Variants in EYA1 observed in about 807,000 individuals in gnomAD.
EYA1 encodes the protein protein phosphatase EYA1.
Under a neutral mutation model 82.0 loss-of-function variants are expected in EYA1, and 16 were observed. The observed-to-expected ratio is 0.20, with a 90% CI of 0.13 to 0.30. The LOEUF is 0.30. Ranked by LOEUF, EYA1 falls within the 10% of genes least tolerant of loss-of-function variation. The pLI, the probability that EYA1 is intolerant of heterozygous loss-of-function variation, is 1.00. For missense variants in EYA1, 633 were observed against 730.7 expected (o/e 0.87, Z 1.54); for synonymous variants, 261 against 264.4 (o/e 0.99, Z 0.12).
exon 1 of EYA1, chr8:71,547,929 G>T (rs544767395): frequency 6.6e-6 from 1 of 152,252 alleles, no homozygotes; most frequent in South Asian, 2.1e-4. Flanking sequence ...CCGAAAATGG[G>T]TAACAGAGAG....
intron 7 of EYA1, among the ~76,000 whole-genome samples, chr8:71,308,125 G>T (rs1322863726): frequency 2.6e-5 from 4 of 152,130 alleles, no homozygotes; most frequent in Non-Finnish European, 5.9e-5. Flanking sequence ...CCAGGTTATG[G>T]TTTTCTAATC....
chr8:71,306,597 A>G (rs1180759865), intron 7 of EYA1, among the ~76,000 whole-genome samples: 3 of 152,072 alleles, frequency 2.0e-5, no homozygotes, highest in Non-Finnish European at 4.4e-5. Context: ...ACAGCTCACC[A>G]TGGTACTTTA....
At chr8:71,244,533 C>T (rs1304151324) in intron 12 of EYA1, 70 bp downstream of exon 12, 13 of 804,464 alleles carry the variant, frequency 1.6e-5, no homozygotes, top group Non-Finnish European at 2.7e-5. Flanking sequence ...AAATAATATC[C>T]TATCTTTATT....
At chr8:71,254,813 G>A (rs893327296) in intron 11 of EYA1, among the ~76,000 whole-genome samples, 1 of 152,092 alleles carries the variant, frequency 6.6e-6, no homozygotes, top group Non-Finnish European at 1.5e-5. Context: ...AATTTTGTGT[G>A]TAGAAAGCCC....
chr8:71,503,608 C>T (rs557947932), intron 2 of EYA1, among the ~76,000 whole-genome samples: 129 of 152,202 alleles, frequency 8.5e-4, no homozygotes, highest in African/African-American at 2.9e-3. Flanking sequence ...TTTATGACAT[C>T]GCCAAAATAA....
At chr8:71,301,723 A>C (rs561787041) in intron 7 of EYA1, among the ~76,000 whole-genome samples, 1 of 152,308 alleles carries the variant, frequency 6.6e-6, no homozygotes, top group South Asian at 2.1e-4. Flanking sequence ...GAGCTCTCAC[A>C]GTGCTAGTAG....
intron 3 of EYA1, among the ~76,000 whole-genome samples, chr8:71,340,345 A>C (rs1485980692): frequency 6.6e-6 from 1 of 152,222 alleles, no homozygotes; most frequent in Non-Finnish European, 1.5e-5. Context: ...TACTGAAAAA[A>C]TACACAATCT....
chr8:71,321,246 T>C (rs962380475), intron 6 of EYA1, among the ~76,000 whole-genome samples: 18 of 152,298 alleles, frequency 1.2e-4, no homozygotes, highest in Middle Eastern at 6.8e-3. Flanking sequence ...CAGTGATATA[T>C]AGATCACTTT....
chr8:71,276,210 T>C, intron 9 of EYA1, among the ~76,000 whole-genome samples: 1 of 152,240 alleles, frequency 6.6e-6, no homozygotes, highest in East Asian at 1.9e-4. Context: ...CTTTGTTATC[T>C]TGCACTAATA....
intron 2 of EYA1, among the ~76,000 whole-genome samples, chr8:71,528,469 C>G (rs760292547): frequency 6.6e-6 from 1 of 152,154 alleles, no homozygotes; most frequent in African/African-American, 2.4e-5. Context: ...TGAACTTTGA[C>G]GTCCAGTCTT....
chr8:71,247,453 A>T (rs1395608949), intron 11 of EYA1, among the ~76,000 whole-genome samples: 13 of 152,194 alleles, frequency 8.5e-5, no homozygotes, highest in Non-Finnish European at 7.3e-5. Context: ...GGAAATAAAG[A>T]TGCAGAGGCT....
At chr8:71,428,534 G>A (rs1805400608) in intron 2 of EYA1, among the ~76,000 whole-genome samples, 2 of 152,004 alleles carry the variant, frequency 1.3e-5, no homozygotes, top group South Asian at 4.1e-4. Context: ...AAAAACTAGG[G>A]GAAATACTCT....
At chr8:71,295,456 C>T (rs532369152) in intron 9 of EYA1, among the ~76,000 whole-genome samples, 1 of 152,054 alleles carries the variant, frequency 6.6e-6, no homozygotes, top group Non-Finnish European at 1.5e-5. Context: ...ATACAGATGG[C>T]AAATAAGCAT....
chr8:71,312,079 C>T (rs1429016727), intron 7 of EYA1, among the ~76,000 whole-genome samples: 1 of 152,170 alleles, frequency 6.6e-6, no homozygotes, highest in Non-Finnish European at 1.5e-5. Context: ...TCTTAAAAGG[C>T]TGTGCAAGTG....
At chr8:71,502,086 A>G (rs1177519231) in intron 2 of EYA1, among the ~76,000 whole-genome samples, 1 of 152,208 alleles carries the variant, frequency 6.6e-6, no homozygotes, top group Non-Finnish European at 1.5e-5. Context: ...CTAAATCTGA[A>G]CCTAGGAAAA....
intron 7 of EYA1, among the ~76,000 whole-genome samples, chr8:71,309,362 C>CA (rs3086592): frequency 0.01 from 1,520 of 146,534 alleles, 23 homozygotes; most frequent in African/African-American, 0.034. Context: ...TCAATTTAAG[C>CA]AAAAAAAAAA....
At chr8:71,530,357 C>G (rs962196852) in intron 2 of EYA1, among the ~76,000 whole-genome samples, 2 of 152,192 alleles carry the variant, frequency 1.3e-5, no homozygotes, top group Non-Finnish European at 2.9e-5. Context: ...ATTTGGACTT[C>G]TAGCCTCTAG....
Position 71,450,684 on chromosome 8 carries a change from C to A in EYA1, c.33+85060G>T, listed in dbSNP as rs113427851. Among the ~76,000 whole-genome samples the A allele has an allele frequency of 4.2e-3, 641 of 152,232 alleles. 4 individuals carry two copies. The highest frequency in any genetic ancestry group is 0.015 in the African/African-American group (611 of 41,556). On this transcript the variant is annotated intron_variant, in intron 2 of 18. Transcript: ENST00000643681. The stretch of plus-strand genomic sequence containing the variant: ...AGCTTGAGGCAGGCTTGCCACAAAC[C>A]TTCTATTCATAAAAACTGTACTATC...
intron 6 of EYA1, among the ~76,000 whole-genome samples, chr8:71,319,940 T>C (rs1185911624): frequency 6.6e-6 from 1 of 152,156 alleles, no homozygotes; most frequent in Middle Eastern, 3.2e-3. Context: ...TGCTAAGAAC[T>C]GAAAATTATT....
Sources: allele counts gnomAD v4.1 joint callset (sites outside exome capture counted in the v4.1 genomes callset), GRCh38; gene constraint gnomAD v4.1.1; transcripts MANE v1.5; gene names NCBI Gene and HGNC (gene_info 2026-07-23, HGNC 2026-07-21).